The following PLCB1 variants were observed in gnomAD, a reference collection of about 807,000 sequenced individuals.
The protein encoded by PLCB1 is 1-phosphatidylinositol 4,5-bisphosphate phosphodiesterase beta-1.
Under a neutral mutation model 161.8 loss-of-function variants are expected in PLCB1, and 46 were observed. The ratio of observed to expected loss-of-function variants is 0.28; its 90% confidence interval spans 0.22 to 0.36. The LOEUF (loss-of-function observed/expected upper bound fraction) is 0.36. Ranked by LOEUF, PLCB1 falls within the 10% of genes least tolerant of loss-of-function variation. PLCB1 has a pLI of 1.00. For synonymous variants in PLCB1, 517 were observed against 503.7 expected (o/e 1.03, Z -0.35); for missense variants, 1,016 against 1,472.5 (o/e 0.69, Z 5.07).
intron 19 of PLCB1, among the ~76,000 whole-genome samples, chr20:8,734,703 T>G (rs1016697144): frequency 6.6e-6 from 1 of 152,094 alleles, no homozygotes; most frequent in Non-Finnish European, 1.5e-5. Context: ...GAAAATCAAT[T>G]TTTTAGAATA....
At chr20:8,280,903 C>T (rs190622247) in intron 2 of PLCB1, among the ~76,000 whole-genome samples, 11 of 152,254 alleles carry the variant, frequency 7.2e-5, no homozygotes, top group Admixed American at 4.6e-4. Flanking sequence ...CATTAAATTT[C>T]GGAATAAAGC....
chr20:8,593,407 T>C (rs1224692677), intron 3 of PLCB1, among the ~76,000 whole-genome samples: 1 of 152,152 alleles, frequency 6.6e-6, no homozygotes, highest in Non-Finnish European at 1.5e-5. Flanking sequence ...TTTCCCAGGC[T>C]GGCCTTCAAC....
intron 3 of PLCB1, among the ~76,000 whole-genome samples, chr20:8,397,831 A>G (rs950621447): frequency 4.6e-5 from 7 of 152,042 alleles, no homozygotes; most frequent in African/African-American, 1.7e-4. Context: ...GCTCCACTAT[A>G]TGGAGGTTCT....
chr20:8,738,324 T>C (rs1288114497), intron 20 of PLCB1, among the ~76,000 whole-genome samples: 3 of 152,206 alleles, frequency 2.0e-5, no homozygotes, highest in African/African-American at 7.2e-5. Flanking sequence ...TGTTCCTATT[T>C]CTCCACATCC....
chr20:8,604,252 CAAA>C lies in PLCB1; in HGVS notation c.247-24018_247-24016del, dbSNP rs34186286. 6.9e-3 allele frequency among the ~76,000 whole-genome samples: 354 copies of C among 51,352 alleles called. 2 individuals carry two copies. Among genetic ancestry groups the C allele is most frequent in the African/African-American group, 0.027 (338 of 12,618 alleles). 33.7% of individuals were successfully genotyped at this position (51,352 alleles called of 152,430 possible). ...TGAGTAACAGAGTGAGGCCCTGTCT[CAAA>C]AAAAAAAAAAAAAAAAAAAAAAAGG... On this transcript the variant is annotated intron_variant, in intron 3 of 31. Coordinates refer to ENST00000338037, the MANE Select transcript of PLCB1 (RefSeq NM_015192.4).
chr20:8,810,941 C>G (rs1984786945), intron 31 of PLCB1, among the ~76,000 whole-genome samples: 1 of 152,138 alleles, frequency 6.6e-6, no homozygotes, highest in African/African-American at 2.4e-5. Context: ...ACTCTGGCCT[C>G]TGGCCTGGAC....
intron 3 of PLCB1, among the ~76,000 whole-genome samples, chr20:8,396,536 A>G (rs796135394): frequency 4.6e-5 from 7 of 152,218 alleles, no homozygotes; most frequent in African/African-American, 1.7e-4. Flanking sequence ...TTGCCTTAAT[A>G]AAGGTTCAAT....
intron 31 of PLCB1, among the ~76,000 whole-genome samples, chr20:8,844,884 G>A (rs960141211): frequency 3.3e-5 from 5 of 152,064 alleles, no homozygotes; most frequent in African/African-American, 1.2e-4. Context: ...GCCGAGGCGG[G>A]CGGATCACGA....
intron 2 of PLCB1, among the ~76,000 whole-genome samples, chr20:8,325,534 A>G (rs373462620): frequency 2.6e-5 from 4 of 152,326 alleles, no homozygotes; most frequent in African/African-American, 9.6e-5. Flanking sequence ...CTTAAGTGGT[A>G]CTTACTATGT....
chr20:8,353,374 G>C (rs1010158015), intron 2 of PLCB1, among the ~76,000 whole-genome samples: 3 of 152,036 alleles, frequency 2.0e-5, no homozygotes, highest in African/African-American at 7.2e-5. Flanking sequence ...TCCCATATAG[G>C]ATACCAAATA....
At chr20:8,444,828 T>C (rs1418973624) in intron 3 of PLCB1, among the ~76,000 whole-genome samples, 1 of 152,244 alleles carries the variant, frequency 6.6e-6, no homozygotes, top group Non-Finnish European at 1.5e-5. Flanking sequence ...CATGTGTCTG[T>C]TGGCTGCATA....
intron 29 of PLCB1, 97 bp from the exon 30 acceptor site, chr20:8,789,421 G>A: frequency 2.5e-6 from 2 of 812,348 alleles, no homozygotes; most frequent in Admixed American, 4.0e-5. Context: ...GAAAAAGAAT[G>A]TTGAGAGTTC....
chr20:8,632,968 G>C (rs961444595), intron 4 of PLCB1, among the ~76,000 whole-genome samples: 2 of 152,202 alleles, frequency 1.3e-5, no homozygotes, highest in East Asian at 1.9e-4. Context: ...ATAATGGACC[G>C]CATGGGGGAG....
chr20:8,715,924 C>G (rs145292112), intron 12 of PLCB1: 55 of 236,742 alleles, frequency 2.3e-4, no homozygotes, highest in African/African-American at 1.1e-3. Context: ...AAGTGTCTTG[C>G]AATTGACTTG....
At chr20:8,793,657 C>T (rs4387878) in intron 31 of PLCB1, among the ~76,000 whole-genome samples, 98,537 of 151,920 alleles carry the variant, frequency 0.65, 32,165 homozygotes, top group East Asian at 0.85. Flanking sequence ...TAGAATATCA[C>T]AAGGCAAGTG....
intron 23 of PLCB1, among the ~76,000 whole-genome samples, chr20:8,754,777 A>C (rs1981657445): frequency 6.6e-6 from 1 of 152,190 alleles, no homozygotes; most frequent in Non-Finnish European, 1.5e-5. Context: ...GGAAGTAAGA[A>C]ACCCATTGTT....
intron 23 of PLCB1, among the ~76,000 whole-genome samples, chr20:8,742,650 G>T (rs997249982): frequency 3.3e-5 from 5 of 152,206 alleles, no homozygotes; most frequent in South Asian, 2.1e-4. Flanking sequence ...TTCACAGTCT[G>T]TGTTTTAAGT....
chr20:8,487,198 C>T (rs1418195734), intron 3 of PLCB1, among the ~76,000 whole-genome samples: 1 of 152,108 alleles, frequency 6.6e-6, no homozygotes, highest in African/African-American at 2.4e-5. Context: ...CCTTGCTATT[C>T]TCAGGTTATT....
intron 2 of PLCB1, 70 bp from the exon 3 acceptor site, chr20:8,371,312 T>C (rs1986896002): frequency 7.2e-6 from 7 of 978,850 alleles, no homozygotes; most frequent in Non-Finnish European, 1.1e-5. Flanking sequence ...TTTTAAGTGA[T>C]GTCAATGACA....
Sources: allele counts gnomAD v4.1 joint callset (sites outside exome capture counted in the v4.1 genomes callset), GRCh38; gene constraint gnomAD v4.1.1; transcripts MANE v1.5; gene names NCBI Gene and HGNC (gene_info 2026-07-23, HGNC 2026-07-21).